Variants in LOXL1 observed in about 807,000 individuals in gnomAD.
LOXL1 encodes lysyl oxidase like 1.
Under a neutral mutation model 62.2 loss-of-function variants are expected in LOXL1, and 31 were observed. The ratio of observed to expected loss-of-function variants is 0.50; its 90% CI spans 0.37 to 0.67. The LOEUF is 0.67. LOXL1 is among the 30% of genes least tolerant of loss of function. The pLI, the probability that LOXL1 is intolerant of heterozygous loss-of-function variation, is 0.00. For missense variants in LOXL1, 775 were observed against 843.4 expected (o/e 0.92, Z 1.00); for synonymous variants, 403 against 384.4 (o/e 1.05, Z -0.56).
At position 73,947,886 on chromosome 15, in the gene LOXL1, G is replaced by A. The variant is rs1027264234; in HGVS notation, c.1586G>A (p.Gly529Glu). The change falls in exon 5 of 7, where the codon GGG becomes GAG. Residue 529 changes from glycine (G) to glutamate (E), a missense_variant. Gly to Glu is a moderately conservative substitution (Grantham distance 98). Coordinates refer to ENST00000261921, the MANE Select transcript of LOXL1 (RefSeq NM_005576.4). ...QWIDITDVQP[G>E]NYILKVHVNP... ...ATCGACATAACCGACGTGCAGCCTG[G>A]GAACTACATCCTCAAGGTGGGCCTC... 6.2e-7 allele frequency: 1 copy of A among 1,613,450 alleles called. No individual in the cohort carries two copies. Among genetic ancestry groups the A allele is most frequent in the South Asian group, 1.1e-5 (1 of 91,028 alleles).
intron 1 of LOXL1, among the ~76,000 whole-genome samples, chr15:73,935,734 C>A (rs2141626232): frequency 6.6e-6 from 1 of 152,316 alleles, no homozygotes; most frequent in South Asian, 2.1e-4. Context: ...GCCCAGCCTG[C>A]CTCCTGGGCA....
At chr15:73,943,392 T>G (rs2068728099) in intron 2 of LOXL1, among the ~76,000 whole-genome samples, 1 of 152,190 alleles carries the variant, frequency 6.6e-6, no homozygotes, top group African/African-American at 2.4e-5. Context: ...ATTGGGTGGA[T>G]GTACCTGCAG....
chr15:73,940,380 C>G (rs2068705705), intron 1 of LOXL1, among the ~76,000 whole-genome samples: 1 of 152,164 alleles, frequency 6.6e-6, no homozygotes, highest in Admixed American at 6.5e-5. Flanking sequence ...AATGCCCCTC[C>G]TCCATAACTC....
Position 73,947,162 on chromosome 15 carries a change from T to A in LOXL1, c.1445T>A (p.Leu482Gln). 6.2e-7 allele frequency: 1 copy of A among 1,613,792 alleles called. No individual in the cohort carries two copies. The highest frequency in any genetic ancestry group is 8.5e-7 in the Non-Finnish European group (1 of 1,179,704). ...VAEGHKASFC[L>Q]EDSTCDFGNL... is the part of the protein sequence containing the mutation. ...GAGGGCCACAAGGCCAGTTTCTGCCTGGAGGACAGCACCTGTGACTTCGGC... is the reference window on the plus strand; with the variant it reads ...GAGGGCCACAAGGCCAGTTTCTGCCAGGAGGACAGCACCTGTGACTTCGGC... The change falls in exon 4 of 7, where the codon CTG (leucine) becomes CAG (glutamine). Residue 482 changes from leucine (L) to glutamine (Q), a missense_variant. Transcript: ENST00000261921.
intron 1 of LOXL1, among the ~76,000 whole-genome samples, chr15:73,942,378 T>C (rs2068720024): frequency 6.6e-6 from 1 of 151,980 alleles, no homozygotes; most frequent in African/African-American, 2.4e-5. Context: ...CTTGGTGGTT[T>C]ACAAAGAATG....
chr15:73,935,447 G>GT (rs2068663976), intron 1 of LOXL1, among the ~76,000 whole-genome samples: 1 of 152,292 alleles, frequency 6.6e-6, no homozygotes, highest in South Asian at 2.1e-4. Context: ...TGTGGGCAGC[G>GT]TAAGTTTTGT....
At chr15:73,944,294 C>A (rs564688017) in intron 2 of LOXL1, among the ~76,000 whole-genome samples, 1 of 152,388 alleles carries the variant, frequency 6.6e-6, no homozygotes, top group African/African-American at 2.4e-5. Context: ...ATTAACATCA[C>A]TGCCTCTTCA....
At chr15:73,943,532 C>T (rs879598720) in intron 2 of LOXL1, among the ~76,000 whole-genome samples, 1 of 152,182 alleles carries the variant, frequency 6.6e-6, no homozygotes, top group African/African-American at 2.4e-5. Context: ...TTATATGTTG[C>T]ACTGGAAAGA....
Position 73,927,005 on chromosome 15 carries a change from G to A in LOXL1, c.222G>A (p.Arg74=), listed in dbSNP as rs568267928. ...CTCAGCGCTCCGAGAGTAGCTCCCG[G>A]GTGCTGCTGGCCGGCGCGCCCCAGG... The part of the protein sequence containing the change: ...AGPQRSESSS[R]VLLAGAPQAQ... The change falls in exon 1 of 7, where the codon CGG becomes CGA. Residue 74 remains arginine, a synonymous_variant. Coordinates refer to ENST00000261921, the MANE Select transcript of LOXL1 (RefSeq NM_005576.4). 6.9e-7 allele frequency: 1 copy of A among 1,459,026 alleles called. No homozygotes were observed. The highest frequency in any genetic ancestry group is 2.0e-4 in the Middle Eastern group (1 of 5,128). The allele number at this position is 1,459,026 out of a possible 1,614,324, so 90.4% of individuals were successfully genotyped here.
intron 1 of LOXL1, among the ~76,000 whole-genome samples, chr15:73,940,513 T>A (rs1370181212): frequency 6.6e-6 from 1 of 151,808 alleles, no homozygotes; most frequent in Non-Finnish European, 1.5e-5. Context: ...CAAACAGAAA[T>A]GAGACTGAGA....
At chr15:73,942,829 C>A (rs367594839) in intron 1 of LOXL1, 25 bp from the exon 2 acceptor site, 11 of 1,430,150 alleles carry the variant, frequency 7.7e-6, no homozygotes, top group East Asian at 4.5e-5. Context: ...CTCCCTCCCC[C>A]CTTCTCTCCC....
chr15:73,928,782 A>G (rs931772593), intron 1 of LOXL1, among the ~76,000 whole-genome samples: 2 of 151,410 alleles, frequency 1.3e-5, no homozygotes, highest in Non-Finnish European at 2.9e-5. Context: ...TTTTGCATTA[A>G]TTTTTATTTT....
rs1822982976 is a variant in LOXL1 at position 73,945,599 on chromosome 15, CA to C, written c.1212-817del. Among the ~76,000 whole-genome samples the C allele has an allele frequency of 6.6e-6, 1 of 152,176 alleles. No individual in the cohort carries two copies. The highest frequency in any genetic ancestry group is 1.5e-5 in the Non-Finnish European group (1 of 68,032). On this transcript the variant is annotated intron_variant, in intron 2 of 6. Transcript: ENST00000261921. The surrounding 1 kb of genome is among the most constrained non-coding windows in gnomAD (Gnocchi z 4.3). The stretch of plus-strand genomic sequence containing the variant: ...ACTAGAAAAGTGAAGAGGCTTTGAC[CA>C]GAGGACTTCACGTCTGTTTTTCAGG...
At position 73,926,728 on chromosome 15, in the gene LOXL1, C is replaced by A; in HGVS notation, c.-56C>A. Reference sequence around the variant, plus strand: ...GAGGCCGTGGGAAGAGAAGCACGCCCAGGGGGCCACTCCTGAGAGCCTCTC... The same window carrying A: ...GAGGCCGTGGGAAGAGAAGCACGCCAAGGGGGCCACTCCTGAGAGCCTCTC... On this transcript the variant is annotated 5_prime_UTR_variant, in exon 1 of 7. Coordinates refer to ENST00000261921, the MANE Select transcript of LOXL1 (RefSeq NM_005576.4). The A allele has an allele frequency of 7.4e-7, 1 of 1,350,254 alleles. No individual in the cohort carries two copies. The highest frequency in any genetic ancestry group is 9.6e-7 in the Non-Finnish European group (1 of 1,045,428). 83.6% of individuals were successfully genotyped at this position (1,350,254 alleles called of 1,614,324 possible). A position where few individuals can be genotyped will look rare whatever the true frequency, so the allele number is the denominator to read the frequency against.
At chr15:73,941,589 G>C (rs1489692894) in intron 1 of LOXL1, among the ~76,000 whole-genome samples, 1 of 152,172 alleles carries the variant, frequency 6.6e-6, no homozygotes, top group Non-Finnish European at 1.5e-5. Flanking sequence ...AAGAGCAGAG[G>C]ACTTCAAAGA....
chr15:73,931,559 G>C (rs570916481), intron 1 of LOXL1, among the ~76,000 whole-genome samples: 2 of 152,178 alleles, frequency 1.3e-5, no homozygotes, highest in African/African-American at 4.8e-5. Flanking sequence ...CATGCTGCTC[G>C]TGGGCCTAGA....
intron 1 of LOXL1, 79 bp from the exon 2 acceptor site, chr15:73,942,775 G>T: frequency 1.2e-6 from 1 of 861,438 alleles, no homozygotes; most frequent in South Asian, 1.4e-5. Context: ...AGGTCTCTGG[G>T]CATTAGCAGT....
chr15:73,938,106 G>T (rs988941733), intron 1 of LOXL1, among the ~76,000 whole-genome samples: 7 of 152,210 alleles, frequency 4.6e-5, no homozygotes, highest in Non-Finnish European at 7.4e-5. Flanking sequence ...GGCCAACATG[G>T]TGAAACCCCA....
rs1224513295 is a variant in LOXL1, at chr15:73,946,462, A to G, written c.1257A>G (p.Leu419=). Residue 419 remains leucine, a synonymous_variant, in exon 3 of 7, where the codon CTA becomes CTG. Transcript: ENST00000261921. ...CCACCGACTACGATGTGCGGGTGCT[A>G]CTGCGCTTCCCCCAGCGCGTGAAGA... The part of the protein sequence containing the change: ...PEATDYDVRV[L]LRFPQRVKNQ... The G allele has an allele frequency of 6.2e-7, 1 of 1,613,016 alleles. No individual in the cohort carries two copies. Among genetic ancestry groups the G allele is most frequent in the South Asian group, 1.1e-5 (1 of 90,974 alleles).
Sources: gnomAD v4.1 joint callset for allele counts (sites outside exome capture counted in the v4.1 genomes callset) on GRCh38, gnomAD v4.1.1 for gene constraint, Gnocchi (gnomAD v3.1) non-coding constraint, MANE v1.5 for transcripts, NCBI Gene and HGNC (gene_info 2026-07-23, HGNC 2026-07-21) for gene names.